The following CAMTA1 variants were observed in gnomAD, a reference collection of about 807,000 sequenced individuals.
CAMTA1 encodes calmodulin binding transcription activator 1, also known as calmodulin-binding transcription activator 1.
A neutral mutation model predicts 170.9 loss-of-function variants in CAMTA1; 27 were observed. The observed-to-expected ratio is 0.16, with a 90% CI of 0.12 to 0.22. The LOEUF is 0.22. Ranked by LOEUF, CAMTA1 falls within the 10% of genes least tolerant of loss-of-function variation. The probability of loss-of-function intolerance (pLI) is 1.00; values close to 1 mark genes in which losing one functional copy is unlikely to be tolerated. For missense variants in CAMTA1, 1,619 were observed against 2,217.2 expected (o/e 0.73, Z 5.42); for synonymous variants, 833 against 891.5 (o/e 0.93, Z 1.17).
At chr1:7,367,941 C>T (rs777560693) in intron 5 of CAMTA1, among the ~76,000 whole-genome samples, 22 of 151,558 alleles carry the variant, frequency 1.5e-4, no homozygotes, top group Non-Finnish European at 2.8e-4. Flanking sequence ...TGGGTGCAGG[C>T]ACTGGGCATG....
chr1:7,640,519 G>T lies in CAMTA1; in HGVS notation c.630G>T (p.Thr210=). The part of the protein sequence containing the change: ...NTDKKEWAKW[T]KEELIGQLKP... ...ACAAGAAGGAGTGGGCGAAATGGAC[G>T]AAAGAAGAGCTCATCGGGCAGCTGA... Residue 210 remains threonine, a synonymous_variant, in exon 7 of 23, where the codon ACG becomes ACT. Coordinates refer to ENST00000303635, the MANE Select transcript of CAMTA1 (RefSeq NM_015215.4). 6.2e-7 allele frequency: 1 copy of T among 1,614,224 alleles called. No individual in the cohort carries two copies.
chr1:7,584,873 C>T (rs1236665981), intron 6 of CAMTA1, among the ~76,000 whole-genome samples: 1 of 152,196 alleles, frequency 6.6e-6, no homozygotes, highest in Non-Finnish European at 1.5e-5. Context: ...TCCTGCAATG[C>T]ACCGGACAGC....
chr1:7,675,201 G>T (rs2096104557), intron 10 of CAMTA1, among the ~76,000 whole-genome samples: 1 of 152,186 alleles, frequency 6.6e-6, no homozygotes, highest in Admixed American at 6.5e-5. Flanking sequence ...GGGGCAGAAA[G>T]AGGTTTGGCA....
At chr1:6,808,564 G>A (rs1417492622) in intron 1 of CAMTA1, among the ~76,000 whole-genome samples, 3 of 152,140 alleles carry the variant, frequency 2.0e-5, no homozygotes, top group African/African-American at 7.2e-5. Flanking sequence ...AGATTGGATC[G>A]GATGCCCTTC....
rs866292852 is a variant in CAMTA1, at chr1:7,360,209, A to T, written c.439-107621A>T. ...AAAGACTGTCTCCAAACAAGGGTTC[A>T]TTCTGAGATACTGGAGGTTAGGACT... On this transcript the variant is annotated intron_variant, in intron 5 of 22. Transcript: ENST00000303635. Among the ~76,000 whole-genome samples the T allele has an allele frequency of 2.0e-5, 3 of 152,204 alleles. No individual in the cohort carries two copies. In the South Asian group the frequency reaches 6.2e-4, roughly 32 times the overall value.
At chr1:7,551,707 T>C (rs543605494) in intron 6 of CAMTA1, among the ~76,000 whole-genome samples, 22 of 152,294 alleles carry the variant, frequency 1.4e-4, no homozygotes, top group Admixed American at 1.1e-3. Context: ...TCAGAGCCTG[T>C]CCCTGGTGTC....
chr1:7,182,580 C>T (rs555671897), intron 4 of CAMTA1, among the ~76,000 whole-genome samples: 1 of 150,682 alleles, frequency 6.6e-6, no homozygotes, highest in East Asian at 1.9e-4. Context: ...CTAACAATGA[C>T]TCAAAATCCA....
rs114960860 is a variant in CAMTA1, at chr1:6,996,429, G to C, written c.235-94875G>C. Among the ~76,000 whole-genome samples, 714 of 152,310 alleles carry C rather than the reference G, an allele frequency of 4.7e-3. 5 individuals carry two copies. Among genetic ancestry groups the C allele is most frequent in the African/African-American group, 0.016 (683 of 41,556 alleles). ...TCTCTGTCCAGGTGTTTAGGCCTTA[G>C]GTGGGCTGCTTACAGTCTATTCCAT... On this transcript the variant is annotated intron_variant, in intron 3 of 22. Transcript: ENST00000303635.
chr1:7,683,472 C>T (rs560138562), intron 11 of CAMTA1, among the ~76,000 whole-genome samples: 5 of 152,222 alleles, frequency 3.3e-5, no homozygotes, highest in Admixed American at 6.5e-5. Context: ...CTCCCACCTC[C>T]GGGAGCTCTT....
chr1:6,983,754 T>C (rs373142390), intron 3 of CAMTA1, among the ~76,000 whole-genome samples: 1 of 146,900 alleles, frequency 6.8e-6, no homozygotes, highest in African/African-American at 2.5e-5. Flanking sequence ...GGATAGAGGG[T>C]TGGGTGGGTA....
rs1288215775 is a variant in CAMTA1 at position 7,614,033 on chromosome 1, G to A, written c.511-26367G>A. Among the ~76,000 whole-genome samples the A allele has an allele frequency of 2.2e-5, 3 of 139,308 alleles. 1 individual carries two copies. The highest frequency in any genetic ancestry group is 5.3e-5 in the African/African-American group (2 of 37,598). The allele number at this position is 139,308 out of a possible 152,430, so 91.4% of individuals were successfully genotyped here. On this transcript the variant is annotated intron_variant, in intron 6 of 22. Coordinates refer to ENST00000303635, the MANE Select transcript of CAMTA1 (RefSeq NM_015215.4). ...GTGGGAGGAGAGCACTGAGGGGAGC[G>A]ATGGGTGGTTGGGGAGGTGGAACCC...
At chr1:6,937,603 TCATCAC>T (rs1685641877) in intron 3 of CAMTA1, among the ~76,000 whole-genome samples, 1 of 17,198 alleles carries the variant, frequency 5.8e-5, no homozygotes, top group Non-Finnish European at 1.3e-4. Flanking sequence ...ATCACCATCA[TCATCAC>T]CATCACTATC....
intron 9 of CAMTA1, among the ~76,000 whole-genome samples, chr1:7,666,811 T>C (rs934163516): frequency 2.0e-5 from 3 of 152,226 alleles, no homozygotes; most frequent in Non-Finnish European, 4.4e-5. Flanking sequence ...CCCGGAAGGA[T>C]CAGACTGGGC....
chr1:7,527,783 T>C (rs988367322), intron 6 of CAMTA1, among the ~76,000 whole-genome samples: 29 of 152,174 alleles, frequency 1.9e-4, no homozygotes, highest in African/African-American at 6.8e-4. Context: ...GGTGCCTCAC[T>C]TGGGAGCCCC....
intron 3 of CAMTA1, among the ~76,000 whole-genome samples, chr1:7,004,035 G>C (rs1200156000): frequency 6.6e-6 from 1 of 152,206 alleles, no homozygotes; most frequent in Non-Finnish European, 1.5e-5. Flanking sequence ...AACGCGTTTG[G>C]TTATGGAACA....
intron 3 of CAMTA1, among the ~76,000 whole-genome samples, chr1:7,060,325 G>A (rs929471757): frequency 2.0e-5 from 3 of 152,150 alleles, no homozygotes; most frequent in Non-Finnish European, 4.4e-5. Flanking sequence ...CTCACATGGC[G>A]TTTCCGCTGT....
chr1:7,519,222 TGAG>T (rs2149954412), intron 6 of CAMTA1, among the ~76,000 whole-genome samples: 1 of 152,138 alleles, frequency 6.6e-6, no homozygotes, highest in African/African-American at 2.4e-5. Context: ...TTTCTGCCAC[TGAG>T]GAGGAGTTTG....
chr1:7,645,447 T>C (rs1278802292), intron 7 of CAMTA1, among the ~76,000 whole-genome samples: 1 of 152,166 alleles, frequency 6.6e-6, no homozygotes, highest in Non-Finnish European at 1.5e-5. Context: ...GTTGGTGAGG[T>C]TGTTCCATCC....
rs143197455 is a variant in CAMTA1 at position 7,064,854 on chromosome 1, C to G, written c.235-26450C>G. ...TGGTCTAGGAGCTGGTTGGGTGACT[C>G]CTGCTGCCATCTAGGCAAGACATGG... is the stretch of plus-strand genomic sequence containing the variant. On this transcript the variant is annotated intron_variant, in intron 3 of 22. Transcript: ENST00000303635. The surrounding 1 kb of genome is among the most constrained non-coding windows in gnomAD (Gnocchi z 5.4). Among the ~76,000 whole-genome samples, 155 of 152,074 alleles carry G rather than the reference C, an allele frequency of 1.0e-3. No homozygotes were observed. The highest frequency in any genetic ancestry group is 3.6e-3 in the African/African-American group (151 of 41,456).
Sources: gnomAD v4.1 joint callset for allele counts (sites outside exome capture counted in the v4.1 genomes callset) on GRCh38, gnomAD v4.1.1 for gene constraint, Gnocchi (gnomAD v3.1) non-coding constraint, MANE v1.5 for transcripts, NCBI Gene and HGNC (gene_info 2026-07-23, HGNC 2026-07-21) for gene names.